Variants in AGBL4 observed in about 807,000 individuals in gnomAD.
The protein encoded by AGBL4 is cytosolic carboxypeptidase 6.
A neutral mutation model predicts 66.4 loss-of-function variants in AGBL4; 58 were observed. That is an observed-to-expected ratio of 0.87 (90% CI 0.71 to 1.09). The LOEUF (loss-of-function observed/expected upper bound fraction) is 1.09, where lower values mean the gene tolerates loss of function less well. Among genes scored for constraint, AGBL4 ranks in the 50% least tolerant of loss-of-function variants. The probability of loss-of-function intolerance (pLI) is 0.00; values close to 1 mark genes in which losing one functional copy is unlikely to be tolerated. For synonymous variants in AGBL4, 234 were observed against 222.9 expected, an observed-to-expected ratio of 1.05 and a Z score of -0.44; for missense variants, 579 against 631.0, an observed-to-expected ratio of 0.92 and a Z score of 0.88.
At chr1:49,879,251 A>G in intron 1 of AGBL4, among the ~76,000 whole-genome samples, 1 of 145,938 alleles carries the variant, frequency 6.9e-6, no homozygotes, top group East Asian at 2.1e-4. Context: ...GTTTCTTCCT[A>G]GTCTCGATGG....
chr1:48,653,496 A>G, intron 7 of AGBL4, 45 bp from the exon 8 acceptor site: 1 of 1,397,930 alleles, frequency 7.2e-7, no homozygotes. Context: ...GCATTTCAAG[A>G]AGAAGGAAAC....
intron 5 of AGBL4, among the ~76,000 whole-genome samples, chr1:48,981,454 C>G (rs575484639): frequency 1.2e-4 from 18 of 152,064 alleles, no homozygotes; most frequent in African/African-American, 4.1e-4. Context: ...AATTGAGAAG[C>G]AAAAAAAGTA....
At chr1:49,489,617 A>G (rs561218569) in intron 3 of AGBL4, among the ~76,000 whole-genome samples, 28 of 151,992 alleles carry the variant, frequency 1.8e-4, no homozygotes, top group African/African-American at 6.3e-4. Flanking sequence ...GCCCAGTCCA[A>G]TGGCCTGGAG....
intron 4 of AGBL4, among the ~76,000 whole-genome samples, chr1:49,197,806 C>A (rs1647350538): frequency 6.6e-6 from 1 of 152,174 alleles, no homozygotes; most frequent in Non-Finnish European, 1.5e-5. Flanking sequence ...GAAAGGGAGC[C>A]CAAGTTCATC....
chr1:49,509,533 T>C (rs562252517), intron 3 of AGBL4, among the ~76,000 whole-genome samples: 1 of 151,952 alleles, frequency 6.6e-6, no homozygotes, highest in East Asian at 1.9e-4. Context: ...TAGTGAGAAA[T>C]GCAGCTAGAA....
intron 3 of AGBL4, among the ~76,000 whole-genome samples, chr1:49,322,870 T>C (rs1645155715): frequency 6.6e-6 from 1 of 152,234 alleles, no homozygotes; most frequent in Non-Finnish European, 1.5e-5. Flanking sequence ...TAATGCCTCC[T>C]TTCTCAAAAC....
chr1:49,187,571 A>T (rs1215508380), intron 4 of AGBL4: 3 of 152,196 alleles, frequency 2.0e-5, no homozygotes, highest in African/African-American at 7.2e-5. Flanking sequence ...TAAATAAAAA[A>T]ATTATGATTC....
chr1:49,288,700 A>G (rs937212708), intron 3 of AGBL4, among the ~76,000 whole-genome samples: 5 of 152,188 alleles, frequency 3.3e-5, no homozygotes, highest in African/African-American at 1.2e-4. Context: ...TTCAAGGCCT[A>G]CCAAGTTGGA....
intron 3 of AGBL4, among the ~76,000 whole-genome samples, chr1:49,362,622 C>T (rs987279839): frequency 6.6e-6 from 1 of 152,040 alleles, no homozygotes. Context: ...CGTTTAGGAC[C>T]CACCTCACTT....
chr1:49,332,955 A>G (rs1393543012), intron 3 of AGBL4, among the ~76,000 whole-genome samples: 1 of 152,150 alleles, frequency 6.6e-6, no homozygotes, highest in Non-Finnish European at 1.5e-5. Context: ...AATGATCGCC[A>G]TACTAACTGG....
At chr1:48,539,041 C>T (rs1644018297) in intron 12 of AGBL4, among the ~76,000 whole-genome samples, 1 of 152,214 alleles carries the variant, frequency 6.6e-6, no homozygotes, top group Non-Finnish European at 1.5e-5. Flanking sequence ...GCCAAGTCCT[C>T]AGACAGGATG....
intron 3 of AGBL4, among the ~76,000 whole-genome samples, chr1:49,510,657 C>T (rs1455862291): frequency 6.6e-6 from 1 of 150,996 alleles, no homozygotes; most frequent in Non-Finnish European, 1.5e-5. Context: ...AAGTCCTTGC[C>T]CATGCCTATG....
chr1:48,666,234 C>A (rs1028828732), intron 6 of AGBL4, among the ~76,000 whole-genome samples: 1 of 152,146 alleles, frequency 6.6e-6, no homozygotes, highest in Non-Finnish European at 1.5e-5. Context: ...ACCCCACCCC[C>A]TCCTGTCACC....
chr1:49,547,478 C>T (rs1652585211), intron 3 of AGBL4, among the ~76,000 whole-genome samples: 1 of 152,108 alleles, frequency 6.6e-6, no homozygotes, highest in African/African-American at 2.4e-5. Flanking sequence ...CTTGCTTTGG[C>T]TATGCGGGCC....
intron 3 of AGBL4, among the ~76,000 whole-genome samples, chr1:49,368,019 T>C (rs1001239641): frequency 2.0e-5 from 3 of 152,232 alleles, no homozygotes; most frequent in Admixed American, 1.3e-4. Context: ...ATCATAAATA[T>C]GTAGTCTTTT....
chr1:49,136,245 A>T (rs1646008405), intron 4 of AGBL4, among the ~76,000 whole-genome samples: 2 of 152,174 alleles, frequency 1.3e-5, no homozygotes, highest in South Asian at 4.1e-4. Flanking sequence ...AAATGTAGAT[A>T]ATTTGAAAAG....
rs369981551 is a variant in AGBL4, at chr1:49,736,428, CA to C, written c.158-38992del. 3.3e-4 allele frequency among the ~76,000 whole-genome samples: 50 copies of C among 151,902 alleles called. 1 individual carries two copies. In the South Asian group the frequency reaches 9.6e-3, roughly 29 times the overall value. ...ATGATACAAAATTATAAATCAATAACAAAAGAAATTTCAGAAAATTCAAAAA... is the reference window on the plus strand; with the variant it reads ...ATGATACAAAATTATAAATCAATAACAAAGAAATTTCAGAAAATTCAAAAA... On this transcript the variant is annotated intron_variant, in intron 2 of 13. Transcript: ENST00000371839.
chr1:49,452,706 T>G (rs888476163), intron 3 of AGBL4, among the ~76,000 whole-genome samples: 3 of 152,058 alleles, frequency 2.0e-5, no homozygotes, highest in African/African-American at 7.2e-5. Context: ...TTAGCACTTC[T>G]CACATAAAAC....
Position 49,495,900 on chromosome 1 carries a change from T to C in AGBL4, c.282+201413A>G, listed in dbSNP as rs192916245. On this transcript the variant is annotated intron_variant, in intron 3 of 13. Transcript: ENST00000371839. ...AAAACTATGAGATCTTGGGAAGCCATTGGAATTCTCTATCCTTAATTTATT... is the reference window on the plus strand; with the variant it reads ...AAAACTATGAGATCTTGGGAAGCCACTGGAATTCTCTATCCTTAATTTATT... Among the ~76,000 whole-genome samples, 3 of 152,174 alleles carry C rather than the reference T, an allele frequency of 2.0e-5. No individual in the cohort carries two copies. The East Asian group carries it at 5.8e-4, about 29-fold the overall frequency.
Sources: gnomAD v4.1 joint callset for allele counts (sites outside exome capture counted in the v4.1 genomes callset) on GRCh38, gnomAD v4.1.1 for gene constraint, MANE v1.5 for transcripts, NCBI Gene and HGNC (gene_info 2026-07-23, HGNC 2026-07-21) for gene names.